PIK3R5: variants seen among roughly 807,000 people sequenced by gnomAD.
PIK3R5 encodes phosphoinositide-3-kinase regulatory subunit 5.
A neutral mutation model predicts 94.9 loss-of-function variants in PIK3R5; 32 were observed. The ratio of observed to expected loss-of-function variants is 0.34; its 90% CI spans 0.25 to 0.45. The LOEUF is 0.45. PIK3R5 is among the 20% of genes least tolerant of loss of function. The pLI is 1.00. For missense variants in PIK3R5, 853 were observed against 1,144.6 expected, an observed-to-expected ratio of 0.75 and a Z score of 3.68; for synonymous variants, 443 against 479.4, an observed-to-expected ratio of 0.92 and a Z score of 0.99.
rs59093560 is a variant in PIK3R5 at position 8,943,885 on chromosome 17, CT to C, written c.-14+21710del. Among the ~76,000 whole-genome samples the C allele has an allele frequency of 1.2e-4, 18 of 147,552 alleles. No individual in the cohort carries two copies. The South Asian group carries it at 2.1e-3, about 18-fold the overall frequency. On this transcript the variant is annotated intron_variant, in intron 1 of 18. Transcript: ENST00000447110. Reference sequence around the variant, plus strand: ...CTGCTGTACCCTAGGGAATATACTCCTTTTTTTTTTTAACTTTTATTTTAGG... The same window carrying C: ...CTGCTGTACCCTAGGGAATATACTCCTTTTTTTTTTAACTTTTATTTTAGG...
chr17:8,913,952 G>A (rs1022773052), intron 1 of PIK3R5, among the ~76,000 whole-genome samples: 1 of 152,218 alleles, frequency 6.6e-6, no homozygotes, highest in Non-Finnish European at 1.5e-5. Flanking sequence ...GCATGGATGA[G>A]CATCTGTGGG....
rs923122564 is a variant in PIK3R5 at position 8,881,254 on chromosome 17, C to T, written c.2383-237G>A. Among the ~76,000 whole-genome samples the T allele has an allele frequency of 3.3e-5, 5 of 152,172 alleles. No homozygotes were observed. Among genetic ancestry groups the T allele is most frequent in the African/African-American group, 1.2e-4 (5 of 41,426 alleles). ...AAGTGCCCCCTGAGGAGACATTGCC[C>T]TGCCTGCTGCCCTCACCGGAGCAGC... On this transcript the variant is annotated intron_variant, in intron 17 of 18. Transcript: ENST00000447110. This position sits in a 1 kb window ranked among gnomAD's most constrained non-coding sequence, Gnocchi z 4.8.
intron 1 of PIK3R5, among the ~76,000 whole-genome samples, chr17:8,917,616 A>G (rs781144315): frequency 6.6e-6 from 1 of 152,274 alleles, no homozygotes; most frequent in Non-Finnish European, 1.5e-5. Flanking sequence ...CTGTAATCCC[A>G]GCACTTTGGG....
At chr17:8,931,139 G>A (rs2090980046) in intron 1 of PIK3R5, among the ~76,000 whole-genome samples, 1 of 152,102 alleles carries the variant, frequency 6.6e-6, no homozygotes, top group Non-Finnish European at 1.5e-5. Flanking sequence ...TAAAAGCCTT[G>A]TACAGATAAG....
In PIK3R5 at chr17:8,906,797, CA is replaced by C. The variant is rs945867294; in HGVS notation, c.205-1061del. The stretch of plus-strand genomic sequence containing the variant: ...ACTCGGGAGGCTGAGACTCTGTCTC[CA>C]AAAAAAAAGGAGAAATATTTAGTGC... On this transcript the variant is annotated intron_variant, in intron 3 of 18. Transcript: ENST00000447110. Among the ~76,000 whole-genome samples, 32 of 148,934 alleles carry C rather than the reference CA, an allele frequency of 2.1e-4. No homozygotes were observed. In the East Asian group the frequency reaches 4.7e-3, roughly 22 times the overall value.
chr17:8,960,716 T>A (rs994487316), intron 1 of PIK3R5, among the ~76,000 whole-genome samples: 1 of 152,190 alleles, frequency 6.6e-6, no homozygotes, highest in African/African-American at 2.4e-5. Flanking sequence ...GTGAGCCACC[T>A]TCAGCCCTCA....
At chr17:8,947,419 G>A (rs1041617479) in intron 1 of PIK3R5, among the ~76,000 whole-genome samples, 18 of 152,284 alleles carry the variant, frequency 1.2e-4, no homozygotes, top group Non-Finnish European at 1.9e-4. Context: ...TAGTAATCAC[G>A]GAAGAAAATG....
chr17:8,960,084 G>C (rs940709320), intron 1 of PIK3R5, among the ~76,000 whole-genome samples: 1 of 152,132 alleles, frequency 6.6e-6, no homozygotes, highest in Non-Finnish European at 1.5e-5. Flanking sequence ...AGGTGGGAAC[G>C]AGTCCCTGGT....
At chr17:8,954,102 AACTT>A (rs1210182876) in intron 1 of PIK3R5, among the ~76,000 whole-genome samples, 2 of 152,126 alleles carry the variant, frequency 1.3e-5, no homozygotes, top group Non-Finnish European at 2.9e-5. Context: ...AAAAAGAAAT[AACTT>A]TGTCCTTGCT....
At chr17:8,962,108 G>C (rs1465157501) in intron 1 of PIK3R5, among the ~76,000 whole-genome samples, 1 of 152,226 alleles carries the variant, frequency 6.6e-6, no homozygotes, top group African/African-American at 2.4e-5. Flanking sequence ...GCAGACGCCA[G>C]AGTCAGCCCA....
Position 8,888,701 on chromosome 17 carries a change from T to G in PIK3R5, c.1086A>C (p.Ala362=), listed in dbSNP as rs1002085489. 5 of 1,613,772 alleles carry G rather than the reference T, an allele frequency of 3.1e-6. No individual in the cohort carries two copies. In the African/African-American group the frequency reaches 6.7e-5, roughly 22 times the overall value. The change falls in exon 10 of 19, where the codon GCA becomes GCC. Residue 362 remains alanine, a synonymous_variant. Transcript: ENST00000447110. The surrounding 1 kb of genome is among the most constrained non-coding windows in gnomAD (Gnocchi z 7.8). ...GGGCCGGCCCCGAGGCCTGGGAGGATGCAAGGGACAAGGTGGAGTCATGGG... is the reference window on the plus strand; with the variant it reads ...GGGCCGGCCCCGAGGCCTGGGAGGAGGCAAGGGACAAGGTGGAGTCATGGG... ...LASHDSTLSL[A]SSQASGPALS...
In PIK3R5 at chr17:8,881,725, G is replaced by A; in HGVS notation, c.2300-13C>T. ...TCCATGCTGGAATCTGAGGGGCAAGGACACTCAGGCCAGGCTCAGAGCACC... is the reference window on the plus strand; with the variant it reads ...TCCATGCTGGAATCTGAGGGGCAAGAACACTCAGGCCAGGCTCAGAGCACC... On this transcript the variant is annotated splice_polypyrimidine_tract_variant and intron_variant, in intron 16 of 18. Coordinates refer to ENST00000447110, the MANE Select transcript of PIK3R5 (RefSeq NM_001142633.3). The surrounding 1 kb of genome is among the most constrained non-coding windows in gnomAD (Gnocchi z 4.8). The A allele has an allele frequency of 3.1e-6, 5 of 1,613,728 alleles. No individual in the cohort carries two copies. The African/African-American group carries it at 4.0e-5, about 13-fold the overall frequency.
In PIK3R5 at chr17:8,888,401, G is replaced by T. The variant is rs2089933926; in HGVS notation, c.1386C>A (p.Pro462=). The T allele has an allele frequency of 1.9e-6, 3 of 1,590,478 alleles. No homozygotes were observed. The highest frequency in any genetic ancestry group is 1.1e-5 in the South Asian group (1 of 88,896). The change falls in exon 10 of 19, where the codon CCC becomes CCA. Residue 462 remains proline, a synonymous_variant. Coordinates refer to ENST00000447110, the MANE Select transcript of PIK3R5 (RefSeq NM_001142633.3). The surrounding 1 kb of genome is among the most constrained non-coding windows in gnomAD (Gnocchi z 7.8). ...AAGGGGGTGATACTGGTTCGTCCAGGGGGCTGCAGAGGCTCCCTGCCCGCC... is the reference window on the plus strand; with the variant it reads ...AAGGGGGTGATACTGGTTCGTCCAGTGGGCTGCAGAGGCTCCCTGCCCGCC... ...PLRRAGSLCS[P]LDEPVSPPSR...
chr17:8,949,387 C>T (rs2091334105), intron 1 of PIK3R5, among the ~76,000 whole-genome samples: 1 of 152,134 alleles, frequency 6.6e-6, no homozygotes, highest in Non-Finnish European at 1.5e-5. Flanking sequence ...GGGAGGCTTG[C>T]TGCTGAAAAT....
In PIK3R5 at chr17:8,881,591, C is replaced by A. The variant is rs772250141; in HGVS notation, c.2382+39G>T. 3.0e-6 allele frequency: 4 copies of A among 1,346,772 alleles called. No homozygotes were observed. Among genetic ancestry groups the A allele is most frequent in the Non-Finnish European group, 4.2e-6 (4 of 952,532 alleles). The allele number at this position is 1,346,772 out of a possible 1,614,324, so 83.4% of individuals were successfully genotyped here. A position where few individuals can be genotyped will look rare whatever the true frequency, so the allele number is the denominator to read the frequency against. On this transcript the variant is annotated intron_variant, in intron 17 of 18. Coordinates refer to ENST00000447110, the MANE Select transcript of PIK3R5 (RefSeq NM_001142633.3). The surrounding 1 kb of genome is among the most constrained non-coding windows in gnomAD (Gnocchi z 4.8). ...TACGCACATGCACGCTCCAGTAAGT[C>A]TCTTGAGGGTATGGCTGGAAGGAGA...
chr17:8,943,885 C>CT (rs59093560), intron 1 of PIK3R5, among the ~76,000 whole-genome samples: 122,952 of 147,510 alleles, frequency 0.83, 51,325 homozygotes, highest in African/African-American at 0.87. Context: ...GAATATACTC[C>CT]TTTTTTTTTT....
Position 8,904,769 on chromosome 17 carries a change from G to T in PIK3R5, c.412+8C>A, listed in dbSNP as rs574727123. 96 of 1,614,074 alleles carry T rather than the reference G, an allele frequency of 5.9e-5. 1 individual carries two copies. The South Asian group carries it at 1.0e-3, about 17-fold the overall frequency. ...CCTGTCCCCCGTGCCAGCTGCCTCA[G>T]TGCTTACCTGGGGCCTTGAGTTCAG... On this transcript the variant is annotated splice_region_variant and intron_variant, in intron 5 of 18. Coordinates refer to ENST00000447110, the MANE Select transcript of PIK3R5 (RefSeq NM_001142633.3). This position sits in a 1 kb window ranked among gnomAD's most constrained non-coding sequence, Gnocchi z 5.1.
intron 1 of PIK3R5, among the ~76,000 whole-genome samples, chr17:8,926,616 C>T (rs1056699592): frequency 2.0e-5 from 3 of 152,114 alleles, no homozygotes; most frequent in Non-Finnish European, 4.4e-5. Context: ...CATCAAATCA[C>T]GTGAGACTTA....
In PIK3R5 at chr17:8,888,358, G is replaced by T; in HGVS notation, c.1429C>A (p.Arg477Ser). The change falls in exon 10 of 19, where the codon CGC becomes AGC. Residue 477 changes from arginine to serine, a missense_variant. Arg to Ser is a moderately radical substitution (Grantham distance 110, BLOSUM62 -1). Around this residue, in one of 6 missense-constraint regions of PIK3R5, gnomAD observed 319 missense variants for 339.8 expected, o/e 0.94. Transcript: ENST00000447110. The surrounding 1 kb of genome is among the most constrained non-coding windows in gnomAD (Gnocchi z 7.8). ...CCGAGTTTGGGCTGGGGCAGGGAGC[G>T]GGAGCGCTGGGCCCGGGAAGGGGGT... Reference protein sequence around the residue: ...VSPPSRAQRSRSLPQPKLGTQ... With the variant: ...VSPPSRAQRSSSLPQPKLGTQ... 1.2e-6 allele frequency: 2 copies of T among 1,610,812 alleles called. No homozygotes were observed. Among genetic ancestry groups the T allele is most frequent in the Admixed American group, 3.3e-5 (2 of 59,906 alleles).
Sources: gnomAD v4.1 joint callset for allele counts (sites outside exome capture counted in the v4.1 genomes callset) on GRCh38, gnomAD v4.1.1 for gene constraint, gnomAD v4.1.1 regional missense constraint, Gnocchi (gnomAD v3.1) non-coding constraint, MANE v1.5 for transcripts, NCBI Gene and HGNC (gene_info 2026-07-23, HGNC 2026-07-21) for gene names.